The following HHAT variants were observed in gnomAD, a reference collection of about 807,000 sequenced individuals.
HHAT encodes protein-cysteine N-palmitoyltransferase HHAT.
A neutral mutation model predicts 70.8 loss-of-function variants in HHAT; 47 were observed. That is an observed-to-expected ratio of 0.66 (90% CI 0.53 to 0.85). HHAT has a LOEUF of 0.85. HHAT is among the 40% of genes least tolerant of loss of function. The pLI, the probability that HHAT is intolerant of heterozygous loss-of-function variation, is 0.00. For missense variants in HHAT, 609 were observed against 604.8 expected, an observed-to-expected ratio of 1.01 and a Z score of -0.07; for synonymous variants, 228 against 247.6, an observed-to-expected ratio of 0.92 and a Z score of 0.74.
At chr1:210,373,075 C>T (rs2148070494) in intron 3 of HHAT, among the ~76,000 whole-genome samples, 1 of 152,202 alleles carries the variant, frequency 6.6e-6, no homozygotes, top group East Asian at 1.9e-4. Context: ...GATTAGAATC[C>T]TTCAAATGCT....
chr1:210,572,773 G>A (rs528474080), intron 9 of HHAT, among the ~76,000 whole-genome samples: 1,810 of 152,074 alleles, frequency 0.012, 39 homozygotes, highest in African/African-American at 0.042. Context: ...GTGTGTACTC[G>A]CGGTCCCAGC....
chr1:210,460,691 C>T (rs78595848), intron 7 of HHAT, among the ~76,000 whole-genome samples: 3 of 151,996 alleles, frequency 2.0e-5, no homozygotes, highest in African/African-American at 4.8e-5. Flanking sequence ...GAGATGAGAC[C>T]ATATTTGAGC....
At position 210,642,758 on chromosome 1, in the gene HHAT, T is replaced by A. The variant is rs77808625; in HGVS notation, c.1390+19088T>A. On this transcript the variant is annotated intron_variant, in intron 11 of 11. Coordinates refer to ENST00000261458, the MANE Select transcript of HHAT (RefSeq NM_018194.6). Reference sequence around the variant, plus strand: ...TCTGGGTAAGAATTTTTTGTTGGTTTTATATGTTGTAAATATGTTCTCCCA... The same window carrying A: ...TCTGGGTAAGAATTTTTTGTTGGTTATATATGTTGTAAATATGTTCTCCCA... Among the ~76,000 whole-genome samples the A allele has an allele frequency of 1.1e-3, 170 of 152,322 alleles. 2 individuals are homozygous for A. In the East Asian group the frequency reaches 0.03, roughly 27 times the overall value.
chr1:210,523,273 C>T (rs1218967351), intron 9 of HHAT, among the ~76,000 whole-genome samples: 1 of 152,114 alleles, frequency 6.6e-6, no homozygotes, highest in Non-Finnish European at 1.5e-5. Flanking sequence ...CTGTTTTTTG[C>T]CCCTACCTCA....
intron 7 of HHAT, among the ~76,000 whole-genome samples, chr1:210,440,319 G>C (rs1415968532): frequency 6.6e-6 from 1 of 151,738 alleles, no homozygotes; most frequent in Non-Finnish European, 1.5e-5. Flanking sequence ...GGAGCCAACT[G>C]TGACGCAGTC....
At chr1:210,409,137 A>T (rs2092439621) in intron 6 of HHAT, among the ~76,000 whole-genome samples, 2 of 152,174 alleles carry the variant, frequency 1.3e-5, no homozygotes, top group Admixed American at 1.3e-4. Flanking sequence ...AAGTGCTGGG[A>T]TTACAGGCAC....
chr1:210,579,754 TG>T lies in HHAT; in HGVS notation c.1044-8143del, dbSNP rs1658779289. 3.3e-5 allele frequency among the ~76,000 whole-genome samples: 5 copies of T among 152,314 alleles called. No individual in the cohort carries two copies. In the South Asian group the frequency reaches 1.0e-3, roughly 32 times the overall value. On this transcript the variant is annotated intron_variant, in intron 9 of 11. Transcript: ENST00000261458. ...TTGTCCCATACTTCGCCACTGTTGC[TG>T]CTTGGGCTGTTTTCTAGCGGCAAAT...
In HHAT at chr1:210,647,373, G is replaced by A. The variant is rs1352962132; in HGVS notation, c.1390+23703G>A. ...GAGTGATGACTTCTACATACCTTTC[G>A]GGGGACACAATTCAACCCATAAGAC... On this transcript the variant is annotated intron_variant, in intron 11 of 11. Coordinates refer to ENST00000261458, the MANE Select transcript of HHAT (RefSeq NM_018194.6). Among the ~76,000 whole-genome samples the A allele has an allele frequency of 2.0e-5, 3 of 152,014 alleles. No individual in the cohort carries two copies. In the East Asian group the frequency reaches 5.8e-4, roughly 29 times the overall value.
At chr1:210,389,463 A>C (rs1488023919) in intron 4 of HHAT, among the ~76,000 whole-genome samples, 4 of 152,226 alleles carry the variant, frequency 2.6e-5, no homozygotes. Context: ...GTCAAATTGT[A>C]ATCCCCACGT....
chr1:210,636,786 C>A (rs1023169156), intron 11 of HHAT, among the ~76,000 whole-genome samples: 1 of 148,202 alleles, frequency 6.7e-6, no homozygotes, highest in Non-Finnish European at 1.5e-5. Context: ...TAAGGTATGA[C>A]AATATGCTTC....
chr1:210,503,242 G>A (rs1242466808), intron 8 of HHAT, among the ~76,000 whole-genome samples: 1 of 152,192 alleles, frequency 6.6e-6, no homozygotes, highest in African/African-American at 2.4e-5. Context: ...TTACAGGCAT[G>A]AGCCACTATG....
intron 11 of HHAT, among the ~76,000 whole-genome samples, chr1:210,643,498 C>T (rs1037166530): frequency 6.6e-6 from 1 of 152,116 alleles, no homozygotes; most frequent in Non-Finnish European, 1.5e-5. Context: ...CTTATGTATT[C>T]CAAAATGTTC....
At chr1:210,623,886 T>C (rs1669357267) in intron 11 of HHAT, among the ~76,000 whole-genome samples, 1 of 152,210 alleles carries the variant, frequency 6.6e-6, no homozygotes, top group African/African-American at 2.4e-5. Flanking sequence ...CTGTATGTGA[T>C]ACTTGTTTAA....
At chr1:210,435,638 T>C (rs2093358044) in intron 7 of HHAT, among the ~76,000 whole-genome samples, 1 of 151,804 alleles carries the variant, frequency 6.6e-6, no homozygotes, top group Admixed American at 6.6e-5. Context: ...GCATCTGTTA[T>C]TTTTTTGATA....
intron 10 of HHAT, among the ~76,000 whole-genome samples, chr1:210,623,131 G>A (rs538998697): frequency 4.6e-5 from 7 of 152,292 alleles, no homozygotes; most frequent in African/African-American, 1.7e-4. Context: ...GAGTCCTGTG[G>A]TGTGATCATG....
intron 11 of HHAT, among the ~76,000 whole-genome samples, chr1:210,656,752 C>G (rs1388188646): frequency 6.6e-6 from 1 of 152,186 alleles, no homozygotes. Context: ...CCAGGCAGCT[C>G]TCATGCTTCT....
At chr1:210,353,451 TTTTAAA>T (rs754405626) in intron 2 of HHAT, among the ~76,000 whole-genome samples, 15,128 of 128,224 alleles carry the variant, frequency 0.12, 827 homozygotes, top group South Asian at 0.18. Context: ...TTTTTTTTTT[TTTTAAA>T]AAAAAGCACC....
At chr1:210,374,056 G>A (rs1226772034) in intron 3 of HHAT, 2 of 152,172 alleles carry the variant, frequency 1.3e-5, no homozygotes, top group Non-Finnish European at 2.9e-5. Flanking sequence ...TGCAAGTTCT[G>A]TTACACAATG....
chr1:210,463,499 A>G (rs1391501398), intron 7 of HHAT, among the ~76,000 whole-genome samples: 1 of 152,098 alleles, frequency 6.6e-6, no homozygotes, highest in East Asian at 1.9e-4. Flanking sequence ...ATTCCTTTTT[A>G]TGGTCTATTG....
Sources: allele counts gnomAD v4.1 joint callset (sites outside exome capture counted in the v4.1 genomes callset), GRCh38; gene constraint gnomAD v4.1.1; transcripts MANE v1.5; gene names NCBI Gene and HGNC (gene_info 2026-07-23, HGNC 2026-07-21).